Variants in MCF2L observed in about 807,000 individuals in gnomAD.
MCF2L encodes guanine nucleotide exchange factor DBS.
MCF2L carries 97 observed loss-of-function variants against 153.4 expected under a neutral mutation model. That is an observed-to-expected ratio of 0.63 (90% confidence interval 0.54 to 0.75). The LOEUF (loss-of-function observed/expected upper bound fraction) is 0.75, where lower values mean the gene tolerates loss of function less well. Among genes scored for constraint, MCF2L ranks in the 30% least tolerant of loss-of-function variants. MCF2L has a pLI of 0.00. For synonymous variants in MCF2L, 659 were observed against 632.2 expected (o/e 1.04, Z -0.64); for missense variants, 1,347 against 1,495.2 (o/e 0.90, Z 1.64).
At chr13:112,982,205 C>T (rs1439127089) in intron 1 of MCF2L, among the ~76,000 whole-genome samples, 1 of 152,216 alleles carries the variant, frequency 6.6e-6, no homozygotes, top group Non-Finnish European at 1.5e-5. Context: ...AGAAGCCCCA[C>T]GTACTCCTAG....
rs1449843774 is a variant in MCF2L, at chr13:112,970,855, C to T, written c.79+1397C>T. On this transcript the variant is annotated intron_variant, in intron 1 of 29. Transcript: ENST00000535094. ...TCTGCTCACTGAATGTCGTGCGAGC[C>T]GGGCGCTCGGTGTGGGCCATCGTCT... Among the ~76,000 whole-genome samples the T allele has an allele frequency of 2.6e-5, 4 of 152,152 alleles. 1 individual carries two copies. In the South Asian group the frequency reaches 8.3e-4, roughly 32 times the overall value.
At chr13:113,000,056 G>A (rs1435131008) in intron 1 of MCF2L, among the ~76,000 whole-genome samples, 1 of 152,200 alleles carries the variant, frequency 6.6e-6, no homozygotes, top group African/African-American at 2.4e-5. Context: ...GGTGGCAGGT[G>A]CATCGGCTGG....
At chr13:112,966,423 G>T (rs939269138), upstream of MCF2L, among the ~76,000 whole-genome samples, 1 of 152,198 alleles carries the variant, frequency 6.6e-6, no homozygotes, top group Non-Finnish European at 1.5e-5. The surrounding 1 kb of genome is among the most constrained non-coding windows in gnomAD (Gnocchi z 4.1). Context: ...CCCCTTGATA[G>T]ATTGGGTGAG....
intron 2 of MCF2L, among the ~76,000 whole-genome samples, chr13:113,015,555 T>G (rs958342848): frequency 6.6e-6 from 1 of 152,118 alleles, no homozygotes; most frequent in Non-Finnish European, 1.5e-5. Context: ...CCCCTCTGCA[T>G]TCCCGTCAGC....
At chr13:113,077,256 G>T in intron 13 of MCF2L, 45 bp downstream of exon 13, 1 of 1,469,286 alleles carries the variant, frequency 6.8e-7, no homozygotes, top group Non-Finnish European at 9.0e-7. Flanking sequence ...GGACCCTCGG[G>T]GGAGCCCCGG....
At chr13:113,065,960 A>G in intron 7 of MCF2L, 86 bp from the exon 8 acceptor site, 1 of 1,441,540 alleles carries the variant, frequency 6.9e-7, no homozygotes, top group Non-Finnish European at 9.3e-7. Context: ...CCGCCCCCTC[A>G]AGAGCAAGGC....
chr13:113,039,014 C>T (rs11619887), intron 3 of MCF2L, among the ~76,000 whole-genome samples: 57,685 of 152,082 alleles, frequency 0.38, 11,754 homozygotes, highest in Non-Finnish European at 0.46. Context: ...CCCGCCACCA[C>T]GCCCTGCTGA....
rs118130385 is a variant in MCF2L, at chr13:113,077,716, G to A, written c.1660+505G>A. 2.7e-3 allele frequency among the ~76,000 whole-genome samples: 411 copies of A among 152,244 alleles called. 4 individuals are homozygous for A. Among genetic ancestry groups the A allele is most frequent in the East Asian group, 0.026 (136 of 5,160 alleles). The stretch of plus-strand genomic sequence containing the variant: ...GGCGCGCATTGCTGGTCCCAAACCC[G>A]CCCTCTATGCCGAGCCAGGCACGGC... On this transcript the variant is annotated intron_variant, in intron 13 of 29. Coordinates refer to ENST00000535094, the MANE Select transcript of MCF2L (RefSeq NM_001112732.3).
chr13:112,975,976 A>T (rs189226376), intron 1 of MCF2L, among the ~76,000 whole-genome samples: 1 of 152,116 alleles, frequency 6.6e-6, no homozygotes, highest in Admixed American at 6.5e-5. Flanking sequence ...TCCAGTGTAA[A>T]CCCCAGGAGA....
chr13:113,049,727 G>A (rs574269471), intron 4 of MCF2L, among the ~76,000 whole-genome samples: 1 of 152,064 alleles, frequency 6.6e-6, no homozygotes, highest in South Asian at 2.1e-4. Flanking sequence ...GCCCGTGGCA[G>A]AGACTTGCCT....
At position 113,070,760 on chromosome 13, in the gene MCF2L, C is replaced by A. The variant is rs1385593200; in HGVS notation, c.996+587C>A. On this transcript the variant is annotated intron_variant, in intron 9 of 29. Transcript: ENST00000535094. This position sits in a 1 kb window ranked among gnomAD's most constrained non-coding sequence, Gnocchi z 5.6. ...TTTGCTCAGCACAGCTCTCTGCAGA[C>A]CCCCAGGTGCCGGTGGCTCACTCAT... 6.6e-6 allele frequency among the ~76,000 whole-genome samples: 1 copy of A among 152,360 alleles called. No homozygotes were observed. The highest frequency in any genetic ancestry group is 2.1e-4 in the South Asian group (1 of 4,832).
rs1364784520 is a variant in MCF2L at position 112,969,809 on chromosome 13, G to A, written c.79+351G>A. ...GAATGGAGAATGATCTGAGCCAAGG[G>A]CTTTCAGAGCTTGGGGTTTCAGAGC... On this transcript the variant is annotated intron_variant, in intron 1 of 29. Transcript: ENST00000535094. The surrounding 1 kb of genome is among the most constrained non-coding windows in gnomAD (Gnocchi z 4.8). 6.6e-6 allele frequency among the ~76,000 whole-genome samples: 1 copy of A among 152,154 alleles called. No individual in the cohort carries two copies. The highest frequency in any genetic ancestry group is 1.5e-5 in the Non-Finnish European group (1 of 68,038).
intron 2 of MCF2L, 48 bp downstream of exon 2, chr13:113,014,894 C>A (rs74115737): frequency 6.4e-7 from 1 of 1,565,152 alleles, no homozygotes; most frequent in Non-Finnish European, 8.8e-7. Flanking sequence ...GGTCTGGGGC[C>A]GGGTGTGGGC....
At chr13:113,092,656 T>C (rs1285753442) in intron 26 of MCF2L, among the ~76,000 whole-genome samples, 2 of 152,252 alleles carry the variant, frequency 1.3e-5, no homozygotes, top group Non-Finnish European at 2.9e-5. Context: ...TTCCTGGCCA[T>C]CACCCGGCCT....
rs754811641 is a variant in MCF2L, at chr13:113,074,564, G to A, written c.1116+1G>A. The A allele has an allele frequency of 6.2e-6, 10 of 1,613,016 alleles. No individual in the cohort carries two copies. Among genetic ancestry groups the A allele is most frequent in the South Asian group, 2.2e-5 (2 of 91,086 alleles). On this transcript the variant is annotated splice_donor_variant, in intron 10 of 29. Coordinates refer to ENST00000535094, the MANE Select transcript of MCF2L (RefSeq NM_001112732.3). LOFTEE classifies it high-confidence loss of function. The surrounding 1 kb of genome is among the most constrained non-coding windows in gnomAD (Gnocchi z 4.2). ...GGCCAGCTTCGAGGAGAAATCAGGC[G>A]TAAGGCGGGGTCCCGGCGGGGGCGG...
chr13:113,027,574 G>A lies in MCF2L; in HGVS notation c.278+2816G>A, dbSNP rs1274643139. Among the ~76,000 whole-genome samples, 1 of 152,160 alleles carries A rather than the reference G, an allele frequency of 6.6e-6. No homozygotes were observed. Among genetic ancestry groups the A allele is most frequent in the Non-Finnish European group, 1.5e-5 (1 of 68,032 alleles). The stretch of plus-strand genomic sequence containing the variant: ...TGTGAGAATCTTGCACCCCCTATGC[G>A]CCAGGCTCTGCTGGCTGAGCTGAGT... On this transcript the variant is annotated intron_variant, in intron 3 of 29. Transcript: ENST00000535094. The surrounding 1 kb of genome is among the most constrained non-coding windows in gnomAD (Gnocchi z 4.8).
In MCF2L at chr13:113,086,103, G is replaced by A. The variant is rs373633200; in HGVS notation, c.2248-21G>A. 9.4e-6 allele frequency: 15 copies of A among 1,594,092 alleles called. No homozygotes were observed. The African/African-American group carries it at 2.0e-4, about 22-fold the overall frequency. ...GGGCTCTCCGTGTCCCGACGCGGTT[G>A]CCTCACCCCATGCCCCTCAGGAAAT... On this transcript the variant is annotated intron_variant, in intron 20 of 29. Coordinates refer to ENST00000535094, the MANE Select transcript of MCF2L (RefSeq NM_001112732.3).
At chr13:113,062,902 G>A (rs933637284) in intron 5 of MCF2L, among the ~76,000 whole-genome samples, 1 of 152,244 alleles carries the variant, frequency 6.6e-6, no homozygotes, top group Admixed American at 6.5e-5. Flanking sequence ...CCATAACCGT[G>A]TGGGAACTGC....
intron 1 of MCF2L, among the ~76,000 whole-genome samples, chr13:113,002,780 T>C (rs1400969574): frequency 3.3e-5 from 5 of 152,264 alleles, no homozygotes; most frequent in African/African-American, 1.2e-4. Context: ...CAAGTATTGA[T>C]GAATAATTCA....
Sources: allele counts gnomAD v4.1 joint callset (sites outside exome capture counted in the v4.1 genomes callset), GRCh38; gene constraint gnomAD v4.1.1; non-coding constraint Gnocchi (gnomAD v3.1); transcripts MANE v1.5; gene names NCBI Gene and HGNC (gene_info 2026-07-23, HGNC 2026-07-21).